The following MGAT4C variants were observed in gnomAD, a reference collection of about 807,000 sequenced individuals.
The protein encoded by MGAT4C is MGAT4 family member C.
In MGAT4C, 19 loss-of-function variants were observed where a neutral mutation model predicts 40.1. That is an observed-to-expected ratio of 0.47 (90% CI 0.33 to 0.70). MGAT4C has a LOEUF of 0.70. MGAT4C is among the 30% of genes least tolerant of loss of function. The pLI is 0.02. For missense variants in MGAT4C, 491 were observed against 563.2 expected (o/e 0.87, Z 1.30); for synonymous variants, 181 against 187.1 (o/e 0.97, Z 0.27).
At chr12:86,121,837 C>A (rs771578627) in intron 1 of MGAT4C, among the ~76,000 whole-genome samples, 6 of 152,124 alleles carry the variant, frequency 3.9e-5, no homozygotes, top group Admixed American at 6.6e-5. Flanking sequence ...TACATGTAAC[C>A]AATTGTTCCC....
At chr12:86,775,792 C>T (rs1219592944) in intron 1 of MGAT4C, among the ~76,000 whole-genome samples, 1 of 151,476 alleles carries the variant, frequency 6.6e-6, no homozygotes, top group African/African-American at 2.4e-5. Flanking sequence ...TGAATCTTCA[C>T]TTATTTCTAT....
chr12:86,318,040 T>C (rs188420147), intron 4 of MGAT4C, among the ~76,000 whole-genome samples: 4 of 152,158 alleles, frequency 2.6e-5, no homozygotes, highest in African/African-American at 9.6e-5. Context: ...TAAGGCCTTA[T>C]ATTAAATTTT....
rs149697840 is a variant in MGAT4C at position 85,960,414 on chromosome 12, G to A, written c.*18875C>T. On this transcript the variant is annotated 3_prime_UTR_variant, in exon 5 of 5. Transcript: ENST00000611864. ...TACTGTGTCGTCATTGGTAGAATAA[G>A]GATAACAATACTTATCACACAGATT... 3.3e-5 allele frequency: 5 copies of A among 152,098 alleles called. No individual in the cohort carries two copies. The highest frequency in any genetic ancestry group is 4.1e-4 in the South Asian group (2 of 4,826). 9.4% of individuals were successfully genotyped at this position (152,098 alleles called of 1,614,324 possible).
chr12:86,576,917 T>C (rs899124008), intron 2 of MGAT4C, among the ~76,000 whole-genome samples: 3 of 151,950 alleles, frequency 2.0e-5, no homozygotes, highest in Non-Finnish European at 4.4e-5. Flanking sequence ...TTGGATACTA[T>C]GGACATTGTA....
chr12:86,291,418 C>T (rs1000476192), intron 4 of MGAT4C, among the ~76,000 whole-genome samples: 5 of 152,126 alleles, frequency 3.3e-5, no homozygotes, highest in African/African-American at 1.2e-4. Context: ...ATAGCATTCA[C>T]TAAATTTGGT....
chr12:86,719,294 G>T (rs1314607140), intron 2 of MGAT4C, among the ~76,000 whole-genome samples: 1 of 152,140 alleles, frequency 6.6e-6, no homozygotes, highest in African/African-American at 2.4e-5. Flanking sequence ...TTATCTAAAT[G>T]AGATCCATGC....
intron 4 of MGAT4C, among the ~76,000 whole-genome samples, chr12:86,295,897 G>A (rs4842614): frequency 0.86 from 126,762 of 147,974 alleles, 54,392 homozygotes; most frequent in East Asian, 0.95. Context: ...CTAAACACAG[G>A]GTGCCGACTG....
chr12:86,333,910 C>T (rs1479250096), intron 4 of MGAT4C, among the ~76,000 whole-genome samples: 1 of 152,124 alleles, frequency 6.6e-6, no homozygotes, highest in Non-Finnish European at 1.5e-5. Flanking sequence ...GTAAAACAAA[C>T]ATATCAATTC....
At position 86,831,081 on chromosome 12, in the gene MGAT4C, C is replaced by G. The variant is rs147329599; in HGVS notation, c.-262+7585G>C. On this transcript the variant is annotated intron_variant, in intron 1 of 7. Coordinates refer to the MGAT4C transcript ENST00000548651. ...ACTTGATTTTCAAGATCCAGCCCAC[C>G]CCCTGCCGACCCCCATTGGAAACCC... Among the ~76,000 whole-genome samples, 1,260 of 151,802 alleles carry G rather than the reference C, an allele frequency of 8.3e-3. 13 individuals are homozygous for G. The highest frequency in any genetic ancestry group is 0.029 in the African/African-American group (1,199 of 41,438).
chr12:85,985,217 C>A (rs1282935905), intron 3 of MGAT4C, among the ~76,000 whole-genome samples: 1 of 152,178 alleles, frequency 6.6e-6, no homozygotes, highest in Non-Finnish European at 1.5e-5. Flanking sequence ...TTAATTAAAG[C>A]CTTGTTCTAA....
chr12:86,725,542 C>T (rs1950808115), intron 2 of MGAT4C, among the ~76,000 whole-genome samples: 1 of 152,074 alleles, frequency 6.6e-6, no homozygotes. Context: ...CTCACTGCAA[C>T]CTCCGCCTCC....
At chr12:86,335,981 C>T (rs1592711287) in intron 3 of MGAT4C, among the ~76,000 whole-genome samples, 1 of 152,122 alleles carries the variant, frequency 6.6e-6, no homozygotes, top group African/African-American at 2.4e-5. Flanking sequence ...TTCTTTCTAA[C>T]AAAACCTTCC....
intron 2 of MGAT4C, among the ~76,000 whole-genome samples, chr12:86,561,219 T>C (rs1959847911): frequency 1.3e-5 from 2 of 151,884 alleles, no homozygotes; most frequent in African/African-American, 4.8e-5. Flanking sequence ...TTATCAGAAA[T>C]AAAAAAAATT....
At chr12:86,630,825 T>A (rs1378436674) in intron 2 of MGAT4C, among the ~76,000 whole-genome samples, 3 of 152,130 alleles carry the variant, frequency 2.0e-5, no homozygotes, top group Non-Finnish European at 4.4e-5. Flanking sequence ...ATGGAAGCAT[T>A]CCCTTTGAAA....
chr12:86,770,298 C>T (rs1170843407), intron 1 of MGAT4C, among the ~76,000 whole-genome samples: 1 of 151,894 alleles, frequency 6.6e-6, no homozygotes, highest in African/African-American at 2.4e-5. Context: ...TGAATGCAGA[C>T]TTTAAACTGT....
chr12:86,782,233 G>A (rs564028230), intron 1 of MGAT4C, among the ~76,000 whole-genome samples: 1 of 131,260 alleles, frequency 7.6e-6, no homozygotes, highest in Non-Finnish European at 1.5e-5. Flanking sequence ...CCAGGCTGGA[G>A]TGCAGTGGCG....
At chr12:86,004,335 A>G (rs144244957) in intron 2 of MGAT4C, among the ~76,000 whole-genome samples, 2 of 152,262 alleles carry the variant, frequency 1.3e-5, no homozygotes, top group Non-Finnish European at 2.9e-5. Context: ...AATATCTCTT[A>G]GTTTAATGTC....
intron 2 of MGAT4C, among the ~76,000 whole-genome samples, chr12:86,470,223 T>A (rs1338722180): frequency 1.3e-5 from 2 of 152,198 alleles, no homozygotes; most frequent in Admixed American, 6.5e-5. Flanking sequence ...TAATTTACAG[T>A]CTTGCTTACT....
chr12:86,384,896 C>T (rs868738000), intron 3 of MGAT4C, among the ~76,000 whole-genome samples: 1 of 152,166 alleles, frequency 6.6e-6, no homozygotes, highest in South Asian at 2.1e-4. Flanking sequence ...GATACTTAAG[C>T]TGTTAACCAT....
Sources: gnomAD v4.1 joint callset for allele counts (sites outside exome capture counted in the v4.1 genomes callset) on GRCh38, gnomAD v4.1.1 for gene constraint, MANE v1.5 for transcripts, NCBI Gene and HGNC (gene_info 2026-07-23, HGNC 2026-07-21) for gene names.